The following CADM2 variants were observed in gnomAD, a reference collection of about 807,000 sequenced individuals.
CADM2 encodes cell adhesion molecule 2, also known as immunoglobulin superfamily member 4D.
In CADM2, 12 loss-of-function variants were observed where a neutral mutation model predicts 49.8. That is an observed-to-expected ratio of 0.24 (90% CI 0.15 to 0.39). CADM2 has a LOEUF of 0.39. CADM2 is among the 10% of genes least tolerant of loss of function. The pLI is 1.00. For missense variants in CADM2, 378 were observed against 492.3 expected, an observed-to-expected ratio of 0.77 and a Z score of 2.20; for synonymous variants, 214 against 175.4, an observed-to-expected ratio of 1.22 and a Z score of -1.74.
intron 1 of CADM2, among the ~76,000 whole-genome samples, chr3:85,713,745 C>A (rs373812520): frequency 6.6e-6 from 1 of 152,132 alleles, no homozygotes; most frequent in Non-Finnish European, 1.5e-5. Context: ...TTCTAAATGA[C>A]CACATTTTCA....
At chr3:85,307,160 C>A (rs935476119) in intron 1 of CADM2, among the ~76,000 whole-genome samples, 6 of 151,252 alleles carry the variant, frequency 4.0e-5, no homozygotes, top group African/African-American at 1.5e-4. Flanking sequence ...TACGTATATG[C>A]ATATATATAT....
chr3:85,188,601 C>A (rs2041123625), intron 1 of CADM2, among the ~76,000 whole-genome samples: 1 of 151,746 alleles, frequency 6.6e-6, no homozygotes, highest in Non-Finnish European at 1.5e-5. Context: ...TTTATATGTT[C>A]ATAAAAATAT....
chr3:85,741,941 T>A (rs2068409574), intron 2 of CADM2, among the ~76,000 whole-genome samples: 1 of 152,202 alleles, frequency 6.6e-6, no homozygotes, highest in Non-Finnish European at 1.5e-5. Context: ...CAAACACTCT[T>A]TTTTTATAGC....
chr3:85,148,305 C>G (rs1008868330), intron 1 of CADM2, among the ~76,000 whole-genome samples: 7 of 152,142 alleles, frequency 4.6e-5, no homozygotes, highest in East Asian at 1.9e-4. Context: ...GGGCAACTTC[C>G]TCCTTTAGCA....
chr3:85,234,733 G>T (rs1454345792), intron 1 of CADM2, among the ~76,000 whole-genome samples: 1 of 152,092 alleles, frequency 6.6e-6, no homozygotes, highest in Non-Finnish European at 1.5e-5. Context: ...TTTCTCCAGA[G>T]TAGTAATTTC....
intron 1 of CADM2, among the ~76,000 whole-genome samples, chr3:85,594,644 A>T (rs2063194212): frequency 6.6e-6 from 1 of 152,022 alleles, no homozygotes; most frequent in Admixed American, 6.6e-5. Flanking sequence ...GGGTATAAGA[A>T]ATACATATGT....
At chr3:85,748,956 A>C (rs1477097020) in intron 2 of CADM2, among the ~76,000 whole-genome samples, 1 of 152,136 alleles carries the variant, frequency 6.6e-6, no homozygotes, top group East Asian at 1.9e-4. Context: ...TTAAGTTGAA[A>C]GCTACAAGAT....
chr3:85,841,316 G>C (rs1190304284), intron 3 of CADM2, among the ~76,000 whole-genome samples: 1 of 151,776 alleles, frequency 6.6e-6, no homozygotes, highest in East Asian at 1.9e-4. Context: ...ATATAAGAGA[G>C]GTAGAGAGGA....
rs1026902336 is a variant in CADM2 at position 85,162,175 on chromosome 3, G to A, written c.61+202507G>A. Reference sequence around the variant, plus strand: ...GGGAAATTCCTGCTTACATTCGAGGGTGTGGATGGGTTTTTACAGTTTAAT... The same window carrying A: ...GGGAAATTCCTGCTTACATTCGAGGATGTGGATGGGTTTTTACAGTTTAAT... On this transcript the variant is annotated intron_variant, in intron 1 of 9. Coordinates refer to ENST00000383699, the MANE Select transcript of CADM2 (RefSeq NM_001167675.2). Among the ~76,000 whole-genome samples the A allele has an allele frequency of 2.0e-5, 3 of 152,204 alleles. No homozygotes were observed. The East Asian group carries it at 5.8e-4, about 29-fold the overall frequency.
At chr3:85,673,653 G>A (rs2065812178) in intron 1 of CADM2, among the ~76,000 whole-genome samples, 2 of 151,944 alleles carry the variant, frequency 1.3e-5, no homozygotes, top group Admixed American at 1.3e-4. Flanking sequence ...AAGGAAGCAA[G>A]GACAGAAGGG....
rs536450568 is a variant in CADM2 at position 85,789,184 on chromosome 3, T to C, written c.89-12863T>C. Reference sequence around the variant, plus strand: ...CCAGAAGAGTCCTACCATCTGTGTGTTCCTTTGCAGGATATTTCCTCCAGT... The same window carrying C: ...CCAGAAGAGTCCTACCATCTGTGTGCTCCTTTGCAGGATATTTCCTCCAGT... On this transcript the variant is annotated intron_variant, in intron 2 of 9. Transcript: ENST00000383699. 2.6e-5 allele frequency among the ~76,000 whole-genome samples: 4 copies of C among 152,294 alleles called. No individual in the cohort carries two copies. In the South Asian group the frequency reaches 6.2e-4, roughly 24 times the overall value.
chr3:85,630,680 TG>T (rs1303917009), intron 1 of CADM2, among the ~76,000 whole-genome samples: 1 of 152,082 alleles, frequency 6.6e-6, no homozygotes, highest in African/African-American at 2.4e-5. Context: ...ATGTAAAATT[TG>T]TATCAAGAAT....
chr3:85,896,610 A>G (rs1279052058), intron 5 of CADM2, among the ~76,000 whole-genome samples: 2 of 152,204 alleles, frequency 1.3e-5, no homozygotes, highest in Admixed American at 6.5e-5. Context: ...TGGTATTGCC[A>G]TCATTCTATA....
intron 1 of CADM2, among the ~76,000 whole-genome samples, chr3:85,104,308 C>A (rs1183378856): frequency 6.6e-6 from 1 of 150,700 alleles, no homozygotes; most frequent in African/African-American, 2.4e-5. Context: ...ATAGGGAATC[C>A]TTTCCCCATT....
At chr3:85,394,404 A>C (rs1173329887) in intron 1 of CADM2, among the ~76,000 whole-genome samples, 1 of 152,200 alleles carries the variant, frequency 6.6e-6, no homozygotes, top group Non-Finnish European at 1.5e-5. Context: ...TTTCACAGGT[A>C]ATATTTTAAA....
chr3:85,311,421 G>C (rs1188747890), intron 1 of CADM2, among the ~76,000 whole-genome samples: 2 of 150,988 alleles, frequency 1.3e-5, no homozygotes, highest in African/African-American at 4.9e-5. Context: ...TGTCACCCAG[G>C]CTGGAGTGCA....
At chr3:85,282,463 G>A (rs565682126) in intron 1 of CADM2, among the ~76,000 whole-genome samples, 1 of 147,908 alleles carries the variant, frequency 6.8e-6, no homozygotes. Context: ...GTAGAGACAG[G>A]GTTTCACTAT....
chr3:85,483,328 T>C (rs1399118690), intron 1 of CADM2, among the ~76,000 whole-genome samples: 2 of 151,466 alleles, frequency 1.3e-5, no homozygotes, highest in Non-Finnish European at 3.0e-5. Flanking sequence ...TTGTGTATGA[T>C]GATTTATAAA....
intron 1 of CADM2, among the ~76,000 whole-genome samples, chr3:85,449,741 A>T (rs940851752): frequency 6.6e-6 from 1 of 152,204 alleles, no homozygotes; most frequent in Non-Finnish European, 1.5e-5. Context: ...AGAATATTAC[A>T]GGGTTAAGGA....
Sources: allele counts gnomAD v4.1 joint callset (sites outside exome capture counted in the v4.1 genomes callset), GRCh38; gene constraint gnomAD v4.1.1; transcripts MANE v1.5; gene names NCBI Gene and HGNC (gene_info 2026-07-23, HGNC 2026-07-21).